The following CDH18 variants were observed in gnomAD, a reference collection of about 807,000 sequenced individuals.
The protein encoded by CDH18 is cadherin 18.
Under a neutral mutation model 67.9 loss-of-function variants are expected in CDH18, and 31 were observed. That is an observed-to-expected ratio of 0.46 (90% confidence interval 0.34 to 0.62). CDH18 has a LOEUF of 0.62. Among genes scored for constraint, CDH18 ranks in the 20% least tolerant of loss-of-function variants. CDH18 has a pLI of 0.01. For synonymous variants in CDH18, 362 were observed against 347.2 expected (o/e 1.04, Z -0.48); for missense variants, 890 against 975.5 (o/e 0.91, Z 1.17).
chr5:19,549,762 GAAAA>G (rs1163697689), intron 8 of CDH18, among the ~76,000 whole-genome samples: 1 of 82,324 alleles, frequency 1.2e-5, no homozygotes, highest in Admixed American at 1.4e-4. Flanking sequence ...AAGAAAGAAA[GAAAA>G]AGAAAGAAAG....
chr5:19,711,396 T>TACA (rs112963492), intron 5 of CDH18, among the ~76,000 whole-genome samples: 3,998 of 150,736 alleles, frequency 0.027, 100 homozygotes, highest in African/African-American at 0.061. Context: ...ACTCATAAAC[T>TACA]ACAACAACAA....
chr5:20,210,525 G>C (rs562868151), intron 2 of CDH18, among the ~76,000 whole-genome samples: 1 of 151,830 alleles, frequency 6.6e-6, no homozygotes, highest in Non-Finnish European at 1.5e-5. Flanking sequence ...ATCTTAATCT[G>C]AACAGTTTAA....
chr5:19,546,618 T>C (rs573570580), intron 8 of CDH18, among the ~76,000 whole-genome samples: 7 of 151,990 alleles, frequency 4.6e-5, no homozygotes, highest in Non-Finnish European at 1.0e-4. Flanking sequence ...TAGAACAGAG[T>C]GTAAGTGGAA....
chr5:19,639,260 C>A (rs1372284154), intron 5 of CDH18, among the ~76,000 whole-genome samples: 10 of 152,080 alleles, frequency 6.6e-5, no homozygotes, highest in African/African-American at 2.4e-4. Context: ...CCTCGGCCTC[C>A]CAAATACTGG....
intron 8 of CDH18, among the ~76,000 whole-genome samples, chr5:19,570,813 T>C (rs944709535): frequency 2.0e-5 from 3 of 152,174 alleles, no homozygotes; most frequent in African/African-American, 7.2e-5. Flanking sequence ...GCACTTATTA[T>C]ATGCTGGGCA....
At chr5:19,896,246 C>A (rs1390720078) in intron 2 of CDH18, among the ~76,000 whole-genome samples, 5 of 151,918 alleles carry the variant, frequency 3.3e-5, no homozygotes, top group African/African-American at 1.2e-4. Context: ...GTAATCCCAG[C>A]TACTTTGCAG....
At chr5:20,420,537 A>C (rs1747779075) in intron 1 of CDH18, among the ~76,000 whole-genome samples, 1 of 151,272 alleles carries the variant, frequency 6.6e-6, no homozygotes, top group Admixed American at 6.5e-5. Flanking sequence ...TTTACTGATA[A>C]ATACTTGTGA....
At chr5:19,573,435 C>A (rs532749247) in intron 7 of CDH18, among the ~76,000 whole-genome samples, 1 of 152,144 alleles carries the variant, frequency 6.6e-6, no homozygotes, top group African/African-American at 2.4e-5. Context: ...CCTGCCGCCA[C>A]GCCCGGCTAA....
intron 2 of CDH18, among the ~76,000 whole-genome samples, chr5:19,914,871 T>C (rs541458505): frequency 1.3e-5 from 2 of 152,208 alleles, no homozygotes; most frequent in South Asian, 4.1e-4. Flanking sequence ...TCCCCCAAAT[T>C]TGTAATATGA....
At chr5:20,317,190 T>C (rs971690567) in intron 1 of CDH18, among the ~76,000 whole-genome samples, 8 of 152,102 alleles carry the variant, frequency 5.3e-5, no homozygotes, top group Non-Finnish European at 8.8e-5. Flanking sequence ...CTACAATAAA[T>C]GTCTAGGCAC....
intron 2 of CDH18, among the ~76,000 whole-genome samples, chr5:20,250,715 T>C (rs2974602): frequency 0.47 from 69,434 of 148,196 alleles, 16,186 homozygotes; most frequent in African/African-American, 0.53. Flanking sequence ...AGAACGCTAT[T>C]TTACCTCAAC....
At chr5:19,955,944 G>A (rs931549120) in intron 2 of CDH18, among the ~76,000 whole-genome samples, 2 of 151,948 alleles carry the variant, frequency 1.3e-5, no homozygotes, top group African/African-American at 4.8e-5. Flanking sequence ...AAATTTACAT[G>A]TAAAGTTTCA....
intron 1 of CDH18, among the ~76,000 whole-genome samples, chr5:20,329,597 T>C (rs1030401780): frequency 6.6e-6 from 1 of 151,642 alleles, no homozygotes; most frequent in Non-Finnish European, 1.5e-5. Flanking sequence ...ACCCCATCTC[T>C]ACTAAAAACA....
At chr5:19,852,470 G>T (rs186432654) in intron 2 of CDH18, among the ~76,000 whole-genome samples, 2 of 151,912 alleles carry the variant, frequency 1.3e-5, no homozygotes, top group Non-Finnish European at 1.5e-5. Flanking sequence ...TGAAGCATTC[G>T]CTTGTAGGTC....
intron 1 of CDH18, among the ~76,000 whole-genome samples, chr5:20,545,853 T>C (rs1757312872): frequency 6.6e-6 from 1 of 152,222 alleles, no homozygotes. Context: ...GGGTTTTTCC[T>C]TTCTACCCCA....
intron 10 of CDH18, among the ~76,000 whole-genome samples, chr5:19,505,318 C>T (rs1367240617): frequency 6.6e-6 from 1 of 152,040 alleles, no homozygotes; most frequent in Non-Finnish European, 1.5e-5. Context: ...TTTCCTTCTC[C>T]TGCCTGATTG....
At chr5:20,523,610 C>A (rs551496473) in intron 1 of CDH18, among the ~76,000 whole-genome samples, 1 of 152,216 alleles carries the variant, frequency 6.6e-6, no homozygotes, top group Non-Finnish European at 1.5e-5. Context: ...ACGCGATCTC[C>A]AGTCACTGTA....
intron 2 of CDH18, among the ~76,000 whole-genome samples, chr5:20,245,827 T>C (rs1463204940): frequency 1.3e-5 from 2 of 152,172 alleles, no homozygotes; most frequent in African/African-American, 4.8e-5. Context: ...GCTTTTAATC[T>C]TAACTGTGCT....
chr5:19,593,712 T>TTCC lies in CDH18; in HGVS notation c.812-2469_812-2468insGGA, dbSNP rs1561425966. On this transcript the variant is annotated intron_variant, in intron 6 of 12. Transcript: ENST00000382275. Reference sequence around the variant, plus strand: ...CTCTTCCTCTTCCTCCTCCTCCTTCTTCTTCTTCTTCTTCTTCTTCTTCTT... The same window carrying TTCC: ...CTCTTCCTCTTCCTCCTCCTCCTTCTTCCTCTTCTTCTTCTTCTTCTTCTTCTT... Among the ~76,000 whole-genome samples the TTCC allele has an allele frequency of 4.2e-4, 44 of 105,042 alleles. 2 individuals carry two copies. In the East Asian group the frequency reaches 8.1e-3, roughly 19 times the overall value. The allele number at this position is 105,042 out of a possible 152,430, so 68.9% of individuals were successfully genotyped here.
Sources: allele counts gnomAD v4.1 joint callset (sites outside exome capture counted in the v4.1 genomes callset), GRCh38; gene constraint gnomAD v4.1.1; transcripts MANE v1.5; gene names NCBI Gene and HGNC (gene_info 2026-07-23, HGNC 2026-07-21).